The following KCNB2 variants were observed in gnomAD, a reference collection of about 807,000 sequenced individuals.
The protein encoded by KCNB2 is potassium voltage-gated channel subfamily B member 2.
Under a neutral mutation model 61.5 loss-of-function variants are expected in KCNB2, and 15 were observed. That is an observed-to-expected ratio of 0.24 (90% CI 0.16 to 0.38). The LOEUF (loss-of-function observed/expected upper bound fraction) is 0.38, where lower values mean the gene tolerates loss of function less well. KCNB2 is among the 10% of genes least tolerant of loss of function. The pLI, the probability that KCNB2 is intolerant of heterozygous loss-of-function variation, is 1.00. For missense variants in KCNB2, 828 were observed against 1,125.2 expected (o/e 0.74, Z 3.78); for synonymous variants, 457 against 446.0 (o/e 1.02, Z -0.31).
intron 2 of KCNB2, among the ~76,000 whole-genome samples, chr8:72,569,650 G>T (rs55919585): frequency 6.6e-6 from 1 of 151,854 alleles, no homozygotes; most frequent in Admixed American, 6.6e-5. Flanking sequence ...AAAATGTGCC[G>T]CATTTGTGGG....
At chr8:72,540,569 A>G (rs1243973299) in intron 1 of KCNB2, among the ~76,000 whole-genome samples, 1 of 152,104 alleles carries the variant, frequency 6.6e-6, no homozygotes, top group Non-Finnish European at 1.5e-5. Flanking sequence ...AAGTGATAGA[A>G]TAAACTTTAT....
intron 2 of KCNB2, among the ~76,000 whole-genome samples, chr8:72,636,634 G>T (rs1023078848): frequency 1.3e-5 from 2 of 152,072 alleles, no homozygotes; most frequent in African/African-American, 4.8e-5. Flanking sequence ...CTTACCCAAG[G>T]TCATACAGCC....
intron 2 of KCNB2, among the ~76,000 whole-genome samples, chr8:72,913,082 A>G (rs752732924): frequency 6.6e-6 from 1 of 152,226 alleles, no homozygotes; most frequent in South Asian, 2.1e-4. Context: ...TCTGTGAAGC[A>G]AGGCCAAACT....
chr8:72,910,470 A>G (rs59802374), intron 2 of KCNB2, among the ~76,000 whole-genome samples: 5,495 of 152,264 alleles, frequency 0.036, 297 homozygotes, highest in African/African-American at 0.12. Flanking sequence ...GAAGGGATAC[A>G]TAAAGGGCAT....
chr8:72,827,456 A>G (rs1450111299), intron 2 of KCNB2, among the ~76,000 whole-genome samples: 3 of 152,210 alleles, frequency 2.0e-5, no homozygotes, highest in African/African-American at 7.2e-5. Context: ...AAAACTGAAC[A>G]ATAAAGGACA....
chr8:72,570,732 A>G (rs1806695622), intron 2 of KCNB2, among the ~76,000 whole-genome samples: 1 of 151,938 alleles, frequency 6.6e-6, no homozygotes, highest in African/African-American at 2.4e-5. Flanking sequence ...ACATCAGGCT[A>G]TTTTCTATGT....
intron 2 of KCNB2, among the ~76,000 whole-genome samples, chr8:72,892,917 T>C (rs1331480489): frequency 6.6e-6 from 1 of 152,144 alleles, no homozygotes; most frequent in Admixed American, 6.6e-5. Context: ...GAAATGGCCA[T>C]GATAACATTT....
At position 72,581,078 on chromosome 8, in the gene KCNB2, T is replaced by C. The variant is rs150308472; in HGVS notation, c.579+12765T>C. On this transcript the variant is annotated intron_variant, in intron 2 of 2. Coordinates refer to ENST00000523207, the MANE Select transcript of KCNB2 (RefSeq NM_004770.3). ...TACCAACCATTCCTGAAGACAGGGCTCTGGTCTAGACAGGTTGTTCACTGA... is the reference window on the plus strand; with the variant it reads ...TACCAACCATTCCTGAAGACAGGGCCCTGGTCTAGACAGGTTGTTCACTGA... 4.2e-3 allele frequency among the ~76,000 whole-genome samples: 635 copies of C among 152,266 alleles called. 5 individuals are homozygous for C. The highest frequency in any genetic ancestry group is 0.014 in the African/African-American group (588 of 41,540).
At chr8:72,830,050 A>G (rs938429981) in intron 2 of KCNB2, among the ~76,000 whole-genome samples, 2 of 151,792 alleles carry the variant, frequency 1.3e-5, no homozygotes, top group East Asian at 3.9e-4. Context: ...CTATTTGTCA[A>G]CTGAGAATAT....
chr8:72,812,977 T>C (rs1809329705), intron 2 of KCNB2, among the ~76,000 whole-genome samples: 1 of 152,172 alleles, frequency 6.6e-6, no homozygotes, highest in South Asian at 2.1e-4. Context: ...GCTCTTTAAC[T>C]ATATGGTAAA....
At chr8:72,901,787 AG>A (rs1474484092) in intron 2 of KCNB2, among the ~76,000 whole-genome samples, 1 of 152,156 alleles carries the variant, frequency 6.6e-6, no homozygotes, top group Non-Finnish European at 1.5e-5. Flanking sequence ...CCTTCTGTGG[AG>A]GCTGCACTAT....
chr8:72,815,543 A>C (rs141587700), intron 2 of KCNB2, among the ~76,000 whole-genome samples: 3 of 152,186 alleles, frequency 2.0e-5, no homozygotes, highest in African/African-American at 7.2e-5. Context: ...ATTGCTTATC[A>C]TATCATCTAA....
At chr8:72,731,299 A>G (rs951838153) in intron 2 of KCNB2, among the ~76,000 whole-genome samples, 15 of 152,230 alleles carry the variant, frequency 9.9e-5, no homozygotes, top group African/African-American at 3.4e-4. Flanking sequence ...TAGTTCACTT[A>G]AGAATTAACA....
At chr8:72,723,525 G>A (rs1408720717) in intron 2 of KCNB2, among the ~76,000 whole-genome samples, 1 of 152,138 alleles carries the variant, frequency 6.6e-6, no homozygotes, top group Non-Finnish European at 1.5e-5. Flanking sequence ...GGAAGTGATT[G>A]TCCTCTTGGC....
rs186420345 is a variant in KCNB2, at chr8:72,655,458, A to C, written c.579+87145A>C. Among the ~76,000 whole-genome samples the C allele has an allele frequency of 7.7e-4, 118 of 152,262 alleles. 1 individual carries two copies. The highest frequency in any genetic ancestry group is 5.8e-4 in the East Asian group (3 of 5,188). ...AATAACTGTTAAAAATAAATAAATT[A>C]ATAAATAAATAAAAGATCTGGAGGA... is the stretch of plus-strand genomic sequence containing the variant. On this transcript the variant is annotated intron_variant, in intron 2 of 2. Coordinates refer to ENST00000523207, the MANE Select transcript of KCNB2 (RefSeq NM_004770.3).
At chr8:72,815,098 A>G (rs1424468878) in intron 2 of KCNB2, among the ~76,000 whole-genome samples, 1 of 152,174 alleles carries the variant, frequency 6.6e-6, no homozygotes, top group African/African-American at 2.4e-5. Flanking sequence ...CTCCACCATG[A>G]TTCATGAGCT....
At chr8:72,618,818 A>G in intron 2 of KCNB2, 1 of 229,594 alleles carries the variant, frequency 4.4e-6, no homozygotes, top group Admixed American at 5.1e-5. Flanking sequence ...CAAGAGATGG[A>G]TTCAGCATTA....
chr8:72,592,863 C>G (rs1807123867), intron 2 of KCNB2, among the ~76,000 whole-genome samples: 1 of 151,960 alleles, frequency 6.6e-6, no homozygotes, highest in Non-Finnish European at 1.5e-5. Flanking sequence ...ATGTAACATA[C>G]CTTGGCAAAA....
intron 1 of KCNB2, among the ~76,000 whole-genome samples, chr8:72,548,346 C>T (rs1169007355): frequency 1.3e-5 from 2 of 152,150 alleles, no homozygotes; most frequent in Admixed American, 1.3e-4. Flanking sequence ...CAATGGGAGA[C>T]ATAAACCAGT....
Sources: allele counts gnomAD v4.1 joint callset (sites outside exome capture counted in the v4.1 genomes callset), GRCh38; gene constraint gnomAD v4.1.1; transcripts MANE v1.5; gene names NCBI Gene and HGNC (gene_info 2026-07-23, HGNC 2026-07-21).